Variants in CABYR observed in about 807,000 individuals in gnomAD.
CABYR encodes the protein calcium-binding tyrosine phosphorylation-regulated protein.
In CABYR, 31 loss-of-function variants were observed where a neutral mutation model predicts 36.1. The observed-to-expected ratio is 0.86, with a 90% CI of 0.64 to 1.16. The LOEUF (loss-of-function observed/expected upper bound fraction) is 1.16, where lower values mean the gene tolerates loss of function less well. CABYR is among the 50% of genes most tolerant of loss of function. CABYR has a pLI of 0.00. For missense variants in CABYR, 429 were observed against 455.8 expected (o/e 0.94, Z 0.53); for synonymous variants, 146 against 160.7 (o/e 0.91, Z 0.69).
Position 24,159,814 on chromosome 18 carries a change from T to TA in CABYR, c.884_885insA (p.Pro296AlafsTer8), listed in dbSNP as rs745767226. On this transcript the variant is annotated frameshift_variant, in exon 5 of 6. Coordinates refer to ENST00000399496, the MANE Select transcript of CABYR (RefSeq NM_153769.3). LOFTEE classifies it high-confidence loss of function. ...GTCTTGAGATATGTTGCAATGCAAGTGCCCATTGCTGTTCCTGCAGATGAG... is the reference window on the plus strand; with the variant it reads ...GTCTTGAGATATGTTGCAATGCAAGTAGCCCATTGCTGTTCCTGCAGATGAG... 3.7e-6 allele frequency: 6 copies of TA among 1,613,850 alleles called. No homozygotes were observed. The African/African-American group carries it at 6.7e-5, about 18-fold the overall frequency.
chr18:24,144,089 G>A (rs889546868), intron 3 of CABYR, among the ~76,000 whole-genome samples: 2 of 152,004 alleles, frequency 1.3e-5, no homozygotes, highest in Non-Finnish European at 2.9e-5. Flanking sequence ...GTAGAGATGG[G>A]GTTTTGCCGT....
chr18:24,156,303 C>T (rs371050131), intron 4 of CABYR: 4 of 1,614,162 alleles, frequency 2.5e-6, no homozygotes, highest in African/African-American at 2.7e-5. Flanking sequence ...GCAGGATGAA[C>T]AAGAACCTCC....
At chr18:24,143,706 A>G (rs2085386200) in intron 3 of CABYR, among the ~76,000 whole-genome samples, 1 of 151,914 alleles carries the variant, frequency 6.6e-6, no homozygotes, top group African/African-American at 2.4e-5. Flanking sequence ...CTAATTTTTT[A>G]TAAATTTTTG....
rs199967755 is a variant in CABYR at position 24,143,098 on chromosome 18, A to G, written c.-17A>G. ...ACTTTTTCTTCATTCTAGTTGAGTTACAGACATCCTGCCAAAATGATTTCT... is the reference window on the plus strand; with the variant it reads ...ACTTTTTCTTCATTCTAGTTGAGTTGCAGACATCCTGCCAAAATGATTTCT... On this transcript the variant is annotated 5_prime_UTR_variant, in exon 2 of 6. Coordinates refer to ENST00000399496, the MANE Select transcript of CABYR (RefSeq NM_153769.3). The G allele has an allele frequency of 5.1e-6, 8 of 1,580,756 alleles. No homozygotes were observed. In the East Asian group the frequency reaches 1.8e-4, roughly 36 times the overall value.
rs1599399496 is a variant in CABYR, at chr18:24,158,441, T to C, written c.542-1031T>C. 2.0e-5 allele frequency among the ~76,000 whole-genome samples: 3 copies of C among 150,266 alleles called. No homozygotes were observed. The South Asian group carries it at 6.4e-4, about 32-fold the overall frequency. ...TCAAGTGATTCTCCTGCCTCAGCCT[T>C]CCGAGTAGCTGGGATTACAGGCATG... On this transcript the variant is annotated intron_variant, in intron 4 of 5. Coordinates refer to ENST00000399496, the MANE Select transcript of CABYR (RefSeq NM_153769.3).
chr18:24,139,526 T>G (rs971615699), intron 1 of CABYR: 10 of 152,244 alleles, frequency 6.6e-5, no homozygotes, highest in Non-Finnish European at 1.3e-4. Context: ...AAAGGCATCG[T>G]ATTTCTCGCT....
At chr18:24,150,466 C>A (rs968447607) in intron 3 of CABYR, 1 of 357,600 alleles carries the variant, frequency 2.8e-6, no homozygotes, top group Non-Finnish European at 3.9e-6. Flanking sequence ...ACTACATTGT[C>A]ATATAATCAA....
At chr18:24,160,646 C>G (rs954686197) in intron 5 of CABYR, 2 of 153,458 alleles carry the variant, frequency 1.3e-5, no homozygotes, top group African/African-American at 4.8e-5. Flanking sequence ...TATGCTAGCC[C>G]TCCTCCCCTA....
At chr18:24,139,479 G>C (rs2085248221) in intron 1 of CABYR, 1 of 152,278 alleles carries the variant, frequency 6.6e-6, no homozygotes, top group Non-Finnish European at 1.5e-5. Context: ...CGGGGAGTGC[G>C]GTTACCTATG....
chr18:24,154,175 G>T lies in CABYR; in HGVS notation c.200-1526G>T, dbSNP rs186860064. 1.6e-3 allele frequency among the ~76,000 whole-genome samples: 235 copies of T among 149,948 alleles called. 3 individuals carry two copies. The highest frequency in any genetic ancestry group is 3.5e-3 in the Middle Eastern group (1 of 284). On this transcript the variant is annotated intron_variant, in intron 3 of 5. Transcript: ENST00000399496. ...CAAGATCTTTATTAGTTCCAATTAG[G>T]TATTTGTACTTTTTAACCTATATTT... is the stretch of plus-strand genomic sequence containing the variant.
At chr18:24,140,669 G>A (rs1452338327) in intron 1 of CABYR, among the ~76,000 whole-genome samples, 1 of 151,858 alleles carries the variant, frequency 6.6e-6, no homozygotes, top group East Asian at 1.9e-4. Flanking sequence ...CCATTAACCA[G>A]CCCCACTTTC....
intron 3 of CABYR, among the ~76,000 whole-genome samples, chr18:24,154,268 C>G (rs566766306): frequency 1.3e-5 from 2 of 152,120 alleles, no homozygotes; most frequent in South Asian, 2.1e-4. Flanking sequence ...TTTCTATCCT[C>G]AACAGTGCCT....
Position 24,159,462 on chromosome 18 carries a change from T to C in CABYR, c.542-10T>C, listed in dbSNP as rs761437239. ...CAAAACTTTAATTCCTGCAAAATTT[T>C]TTTTTATAGCAATGGCAACAAGTGA... On this transcript the variant is annotated splice_polypyrimidine_tract_variant and intron_variant, in intron 4 of 5. Transcript: ENST00000399496. 10 of 1,604,102 alleles carry C rather than the reference T, an allele frequency of 6.2e-6. No individual in the cohort carries two copies. Among genetic ancestry groups the C allele is most frequent in the Non-Finnish European group, 8.5e-6 (10 of 1,175,354 alleles).
At chr18:24,149,687 G>A (rs1028321164) in intron 3 of CABYR, among the ~76,000 whole-genome samples, 5 of 152,232 alleles carry the variant, frequency 3.3e-5, no homozygotes, top group Admixed American at 1.3e-4. Context: ...TGCAGGTCCC[G>A]AGCCCTGCCC....
chr18:24,141,525 C>G (rs1013348019), intron 1 of CABYR, among the ~76,000 whole-genome samples: 6 of 152,144 alleles, frequency 3.9e-5, no homozygotes, highest in Admixed American at 3.3e-4. Flanking sequence ...AACCACCTAT[C>G]TCCTATTTTG....
rs1399034146 is a variant in CABYR, at chr18:24,159,839, G to GA, written c.912dup (p.Tyr305IlefsTer12). 1 of 1,614,134 alleles carries GA rather than the reference G, an allele frequency of 6.2e-7. No homozygotes were observed. ...TGCCCATTGCTGTTCCTGCAGATGA[G>GA]AAATACCAGAAACATACCCTAAGTC... On this transcript the variant is annotated frameshift_variant, in exon 5 of 6. Coordinates refer to ENST00000399496, the MANE Select transcript of CABYR (RefSeq NM_153769.3). LOFTEE classifies it high-confidence loss of function.
chr18:24,145,970 C>G (rs1467866215), intron 3 of CABYR, among the ~76,000 whole-genome samples: 1 of 152,128 alleles, frequency 6.6e-6, no homozygotes, highest in Admixed American at 6.5e-5. Flanking sequence ...GCCATTAGAA[C>G]AAAATCAGTA....
At position 24,158,662 on chromosome 18, in the gene CABYR, G is replaced by T. The variant is rs182646813; in HGVS notation, c.542-810G>T. ...CAGGGGAAGAAAAAAGGCTGCACCG[G>T]GGATAGATGGCCCAGCGTTCAAAAG... is the stretch of plus-strand genomic sequence containing the variant. On this transcript the variant is annotated intron_variant, in intron 4 of 5. Transcript: ENST00000399496. 2.9e-3 allele frequency among the ~76,000 whole-genome samples: 442 copies of T among 152,236 alleles called. 3 individuals are homozygous for T. Among genetic ancestry groups the T allele is most frequent in the South Asian group, 0.012 (58 of 4,812 alleles).
At chr18:24,155,483 C>CT (rs1017013897) in intron 3 of CABYR, among the ~76,000 whole-genome samples, 53 of 147,828 alleles carry the variant, frequency 3.6e-4, no homozygotes, top group South Asian at 6.5e-4. Flanking sequence ...CCCATTATTG[C>CT]TTTTTTTTTT....
Sources: allele counts gnomAD v4.1 joint callset (sites outside exome capture counted in the v4.1 genomes callset), GRCh38; gene constraint gnomAD v4.1.1; transcripts MANE v1.5; gene names NCBI Gene and HGNC (gene_info 2026-07-23, HGNC 2026-07-21).